The following ADAMTS16 variants were observed in gnomAD, a reference collection of about 807,000 sequenced individuals.
ADAMTS16 encodes the protein A disintegrin and metalloproteinase with thrombospondin motifs 16.
In ADAMTS16, 94 loss-of-function variants were observed where a neutral mutation model predicts 145.8. The observed-to-expected ratio is 0.64, with a 90% CI of 0.55 to 0.77. ADAMTS16 has a LOEUF of 0.77. ADAMTS16 is among the 30% of genes least tolerant of loss of function. The pLI, the probability that ADAMTS16 is intolerant of heterozygous loss-of-function variation, is 0.00. For synonymous variants in ADAMTS16, 659 were observed against 604.3 expected (o/e 1.09, Z -1.33); for missense variants, 1,585 against 1,591.5 (o/e 1.00, Z 0.07).
intron 18 of ADAMTS16, among the ~76,000 whole-genome samples, chr5:5,268,152 C>T (rs1277428738): frequency 6.6e-6 from 1 of 152,198 alleles, no homozygotes; most frequent in Admixed American, 6.5e-5. Flanking sequence ...TGGGGCTGTT[C>T]TGTAGAGAAG....
intron 3 of ADAMTS16, among the ~76,000 whole-genome samples, chr5:5,157,996 G>A (rs952569317): frequency 2.0e-5 from 3 of 152,132 alleles, no homozygotes; most frequent in African/African-American, 2.4e-5. Flanking sequence ...CCTGCAAAAC[G>A]ACTCCCATCC....
rs1376452193 is a variant in ADAMTS16, at chr5:5,212,196, TTTG to T, written c.1605+2953_1605+2955del. ...AGTACTATTAGTTTCTGGGGTTTTT[TTTG>T]TTTTGTTTTGTTTTGTTTTTTTTTT... On this transcript the variant is annotated intron_variant, in intron 10 of 22. Coordinates refer to ENST00000274181, the MANE Select transcript of ADAMTS16 (RefSeq NM_139056.4). 9.5e-3 allele frequency among the ~76,000 whole-genome samples: 1,002 copies of T among 105,910 alleles called. 59 individuals are homozygous for T. The Admixed American group carries it at 0.097, about 10-fold the overall frequency. The allele number at this position is 105,910 out of a possible 152,430, so 69.5% of individuals were successfully genotyped here. A position where few individuals can be genotyped will look rare whatever the true frequency, so the allele number is the denominator to read the frequency against.
At chr5:5,224,434 C>T (rs1477586080) in intron 11 of ADAMTS16, among the ~76,000 whole-genome samples, 10 of 152,160 alleles carry the variant, frequency 6.6e-5, no homozygotes, top group East Asian at 1.9e-4. Flanking sequence ...GGATTATAGG[C>T]GCCCGCCACC....
At chr5:5,162,876 A>G (rs555740323) in intron 3 of ADAMTS16, among the ~76,000 whole-genome samples, 104 of 152,306 alleles carry the variant, frequency 6.8e-4, no homozygotes, top group Non-Finnish European at 1.1e-3. Flanking sequence ...GCCTACAGAG[A>G]TTTCCAGTCC....
intron 18 of ADAMTS16, among the ~76,000 whole-genome samples, chr5:5,264,134 C>G (rs1282897823): frequency 1.3e-5 from 2 of 152,048 alleles, no homozygotes; most frequent in East Asian, 1.9e-4. Context: ...TTGGAAAGGG[C>G]AACATTTGAT....
intron 17 of ADAMTS16, among the ~76,000 whole-genome samples, chr5:5,246,404 A>G (rs1737440919): frequency 6.6e-6 from 1 of 152,200 alleles, no homozygotes; most frequent in Admixed American, 6.5e-5. Flanking sequence ...TCTCTTCACC[A>G]TCCACAGATA....
intron 10 of ADAMTS16, among the ~76,000 whole-genome samples, chr5:5,218,220 C>CT (rs1330433925): frequency 3.9e-5 from 6 of 152,260 alleles, no homozygotes; most frequent in Admixed American, 2.6e-4. Flanking sequence ...GTTTACTTTT[C>CT]TTTTTTTAAC....
chr5:5,290,035 T>A (rs1739247535), intron 18 of ADAMTS16, among the ~76,000 whole-genome samples: 1 of 152,232 alleles, frequency 6.6e-6, no homozygotes, highest in Non-Finnish European at 1.5e-5. Context: ...ATTATTAGCA[T>A]GCAAGTATCT....
At chr5:5,221,310 A>G (rs1014140871) in intron 10 of ADAMTS16, among the ~76,000 whole-genome samples, 2 of 152,080 alleles carry the variant, frequency 1.3e-5, no homozygotes, top group South Asian at 4.1e-4. Flanking sequence ...GACACCATAT[A>G]GTAATGAACG....
At chr5:5,272,518 C>T (rs542128833) in intron 18 of ADAMTS16, among the ~76,000 whole-genome samples, 2 of 150,472 alleles carry the variant, frequency 1.3e-5, no homozygotes, top group Admixed American at 6.6e-5. Context: ...CCCGCCACTA[C>T]GCCTGGCTAA....
chr5:5,232,106 C>T (rs938281084), intron 11 of ADAMTS16, among the ~76,000 whole-genome samples: 11 of 152,006 alleles, frequency 7.2e-5, no homozygotes, highest in African/African-American at 2.4e-4. Flanking sequence ...GTCAAGTTTC[C>T]GGGAGATCAG....
At chr5:5,199,677 G>A (rs992914007) in intron 8 of ADAMTS16, among the ~76,000 whole-genome samples, 3 of 152,184 alleles carry the variant, frequency 2.0e-5, no homozygotes, top group Admixed American at 2.0e-4. Flanking sequence ...TGGGGAGTTT[G>A]TTTGGACAGC....
intron 11 of ADAMTS16, among the ~76,000 whole-genome samples, chr5:5,229,952 A>G (rs1736876351): frequency 6.6e-6 from 1 of 152,206 alleles, no homozygotes; most frequent in South Asian, 2.1e-4. Flanking sequence ...GTCAGCCTAT[A>G]TTCCCTGAAC....
At chr5:5,167,891 C>T (rs1409984195) in intron 3 of ADAMTS16, among the ~76,000 whole-genome samples, 1 of 152,184 alleles carries the variant, frequency 6.6e-6, no homozygotes, top group Non-Finnish European at 1.5e-5. Context: ...TTTGAATACC[C>T]ATGTGGGGCT....
intron 13 of ADAMTS16, among the ~76,000 whole-genome samples, chr5:5,235,499 T>G (rs1358412341): frequency 6.6e-6 from 1 of 152,214 alleles, no homozygotes; most frequent in Non-Finnish European, 1.5e-5. Flanking sequence ...ATCAGTATGT[T>G]TTTGAATTAA....
rs199747658 is a variant in ADAMTS16 at position 5,303,675 on chromosome 5, C to T, written c.3095C>T (p.Ser1032Phe). 2,809 of 1,613,890 alleles carry T rather than the reference C, an allele frequency of 1.7e-3. 6 individuals are homozygous for T. Among genetic ancestry groups the T allele is most frequent in the Middle Eastern group, 4.1e-3 (24 of 5,904 alleles). ...AQLLPDAVCT[S>F]EPKPRMHEAC... ...CTGCTGCCCGACGCTGTCTGCACCT[C>T]CGAGCCCAAGCCCAGGATGCATGAA... The change falls in exon 20 of 23, where the codon TCC (serine) becomes TTC (phenylalanine). Residue 1032 changes from serine (S) to phenylalanine (F), a missense_variant. Ser to Phe is a radical substitution (Grantham distance 155, BLOSUM62 -2). This residue lies in a region of ADAMTS16 where 834 missense variants were observed against 811.7 expected (regional missense o/e 1.03). Transcript: ENST00000274181.
At chr5:5,198,606 A>G (rs546340651) in intron 8 of ADAMTS16, among the ~76,000 whole-genome samples, 1 of 152,300 alleles carries the variant, frequency 6.6e-6, no homozygotes, top group South Asian at 2.1e-4. Flanking sequence ...TACCTTGTAG[A>G]GCTGTGTTGA....
intron 8 of ADAMTS16, among the ~76,000 whole-genome samples, chr5:5,196,154 C>A (rs1247827073): frequency 7.0e-6 from 1 of 142,760 alleles, no homozygotes; most frequent in African/African-American, 2.6e-5. Flanking sequence ...GGAAGTAGAA[C>A]TTGAACTCAG....
chr5:5,305,129 C>T (rs1579405923), intron 20 of ADAMTS16, among the ~76,000 whole-genome samples: 1 of 48,136 alleles, frequency 2.1e-5, no homozygotes, highest in Non-Finnish European at 4.4e-5. Context: ...ACACCCCACA[C>T]CACACACACA....
Sources: allele counts gnomAD v4.1 joint callset (sites outside exome capture counted in the v4.1 genomes callset), GRCh38; gene constraint gnomAD v4.1.1; regional missense constraint gnomAD v4.1.1; transcripts MANE v1.5; gene names NCBI Gene and HGNC (gene_info 2026-07-23, HGNC 2026-07-21).